PARD3B: variants seen among roughly 807,000 people sequenced by gnomAD.
PARD3B encodes the protein par-3 family cell polarity regulator beta.
A neutral mutation model predicts 130.2 loss-of-function variants in PARD3B; 103 were observed. The ratio of observed to expected loss-of-function variants is 0.79; its 90% confidence interval spans 0.67 to 0.93. The LOEUF is 0.93. Among genes scored for constraint, PARD3B ranks in the 40% least tolerant of loss-of-function variants. The pLI, the probability that PARD3B is intolerant of heterozygous loss-of-function variation, is 0.00. For missense variants in PARD3B, 1,609 were observed against 1,499.2 expected (o/e 1.07, Z -1.21); for synonymous variants, 583 against 553.2 (o/e 1.05, Z -0.76).
chr2:204,750,508 C>T (rs543634935), intron 2 of PARD3B, among the ~76,000 whole-genome samples: 4 of 152,090 alleles, frequency 2.6e-5, no homozygotes, highest in African/African-American at 4.8e-5. Context: ...ATCGTTTGAG[C>T]CCTGGAGGTG....
At chr2:205,488,759 T>C (rs1367201462) in intron 20 of PARD3B, among the ~76,000 whole-genome samples, 1 of 152,198 alleles carries the variant, frequency 6.6e-6, no homozygotes, top group East Asian at 1.9e-4. Flanking sequence ...ACTCAGTTCA[T>C]GTTCAGGGAC....
intron 21 of PARD3B, among the ~76,000 whole-genome samples, chr2:205,531,166 C>G (rs1332983413): frequency 6.6e-6 from 1 of 152,138 alleles, no homozygotes; most frequent in Non-Finnish European, 1.5e-5. Context: ...ATAATTTATA[C>G]TAATTAGTCT....
At chr2:205,597,819 G>A (rs2054625518) in intron 22 of PARD3B, among the ~76,000 whole-genome samples, 1 of 152,156 alleles carries the variant, frequency 6.6e-6, no homozygotes, top group Admixed American at 6.6e-5. Flanking sequence ...GAGACTGGGG[G>A]CTTGTTTACA....
At chr2:205,609,834 TCTTCAA>T (rs570942944) in intron 22 of PARD3B, among the ~76,000 whole-genome samples, 27 of 152,328 alleles carry the variant, frequency 1.8e-4, no homozygotes, top group African/African-American at 6.3e-4. Context: ...CCTCTGTGAC[TCTTCAA>T]CTTCATCTAT....
At chr2:204,952,625 C>G (rs756116412) in intron 2 of PARD3B, among the ~76,000 whole-genome samples, 1 of 151,974 alleles carries the variant, frequency 6.6e-6, no homozygotes, top group African/African-American at 2.4e-5. Flanking sequence ...ATAAGAAACA[C>G]TAAAAACAAA....
chr2:205,345,976 G>T lies in PARD3B; in HGVS notation c.2630+44275G>T, dbSNP rs4675522. Among the ~76,000 whole-genome samples, 2 of 42,020 alleles carry T rather than the reference G, an allele frequency of 4.8e-5. 1 individual carries two copies. The highest frequency in any genetic ancestry group is 7.9e-5 in the African/African-American group (2 of 25,204). The allele number at this position is 42,020 out of a possible 152,430, so 27.6% of individuals were successfully genotyped here. A position where few individuals can be genotyped will look rare whatever the true frequency, so the allele number is the denominator to read the frequency against. On this transcript the variant is annotated intron_variant, in intron 18 of 22. Coordinates refer to ENST00000406610, the MANE Select transcript of PARD3B (RefSeq NM_001302769.2). The stretch of plus-strand genomic sequence containing the variant: ...ACCTGAGGTCAGGAGTTCAAGACCA[G>T]CCTGGCCAACATAGTGAAACCCTGT...
chr2:204,836,632 G>T (rs185546300), intron 2 of PARD3B, among the ~76,000 whole-genome samples: 1 of 152,288 alleles, frequency 6.6e-6, no homozygotes, highest in African/African-American at 2.4e-5. Context: ...CTGCACTCCA[G>T]CCTAGGTGAC....
chr2:205,135,355 G>T (rs941355929), intron 10 of PARD3B, among the ~76,000 whole-genome samples: 1 of 152,130 alleles, frequency 6.6e-6, no homozygotes, highest in African/African-American at 2.4e-5. Context: ...TGTTCATTTT[G>T]TAAAGGATCT....
At chr2:205,228,758 G>T (rs1227710880) in intron 15 of PARD3B, among the ~76,000 whole-genome samples, 4 of 151,882 alleles carry the variant, frequency 2.6e-5, no homozygotes. Context: ...CTCTTTTGAG[G>T]CTGTTTTCTA....
chr2:204,817,088 A>G (rs2125536520), intron 2 of PARD3B, among the ~76,000 whole-genome samples: 1 of 152,128 alleles, frequency 6.6e-6, no homozygotes, highest in South Asian at 2.1e-4. Context: ...CTTTTTATAT[A>G]TTACATATCT....
intron 16 of PARD3B, among the ~76,000 whole-genome samples, chr2:205,299,533 T>G (rs1012926791): frequency 9.0e-5 from 5 of 55,326 alleles, no homozygotes; most frequent in African/African-American, 2.9e-4. Flanking sequence ...TCCTTCTGTC[T>G]TAAAGATAAT....
chr2:205,560,152 C>T (rs1317673635), intron 22 of PARD3B, among the ~76,000 whole-genome samples: 1 of 152,198 alleles, frequency 6.6e-6, no homozygotes, highest in Non-Finnish European at 1.5e-5. Context: ...TTCATTTTAA[C>T]CACCTTGACT....
rs898830567 is a variant in PARD3B, at chr2:205,301,183, G to A, written c.2393-281G>A. Among the ~76,000 whole-genome samples, 4 of 152,162 alleles carry A rather than the reference G, an allele frequency of 2.6e-5. No homozygotes were observed. The highest frequency in any genetic ancestry group is 1.3e-4 in the Admixed American group (2 of 15,286). The stretch of plus-strand genomic sequence containing the variant: ...CATGCAGGCTTTCTGAGCTGATCAA[G>A]GTTAACAAGGCAGCTTTCAGAGAGA... On this transcript the variant is annotated intron_variant, in intron 17 of 22. Coordinates refer to ENST00000406610, the MANE Select transcript of PARD3B (RefSeq NM_001302769.2). The surrounding 1 kb of genome is among the most constrained non-coding windows in gnomAD (Gnocchi z 5.2).
chr2:205,185,670 C>G lies in PARD3B; in HGVS notation c.1925-94C>G, dbSNP rs189882205. ...ATTTCAGGGCTGGTTTATGTGTTGG[C>G]TAAAACTGCGTCTGAGAGAGATACT... is the stretch of plus-strand genomic sequence containing the variant. On this transcript the variant is annotated intron_variant, in intron 13 of 22. Transcript: ENST00000406610. The G allele has an allele frequency of 3.0e-6, 3 of 1,005,752 alleles. No individual in the cohort carries two copies. In the African/African-American group the frequency reaches 4.7e-5, roughly 16 times the overall value. The allele number at this position is 1,005,752 out of a possible 1,614,324, so 62.3% of individuals were successfully genotyped here. A position where few individuals can be genotyped will look rare whatever the true frequency, so the allele number is the denominator to read the frequency against.
rs2035256468 is a variant in PARD3B, at chr2:205,172,925, AT to A, written c.1791+545del. 2.0e-5 allele frequency among the ~76,000 whole-genome samples: 3 copies of A among 152,242 alleles called. No individual in the cohort carries two copies. In the South Asian group the frequency reaches 6.2e-4, roughly 32 times the overall value. On this transcript the variant is annotated intron_variant, in intron 12 of 22. Transcript: ENST00000406610. ...TTATAAGTTTTTTAAAATATCAAGA[AT>A]ATTTTCACTTACACATGGAGTCTAA... is the stretch of plus-strand genomic sequence containing the variant.
chr2:204,551,339 G>A (rs2030443446), intron 1 of PARD3B, among the ~76,000 whole-genome samples: 1 of 152,238 alleles, frequency 6.6e-6, no homozygotes, highest in Non-Finnish European at 1.5e-5. Flanking sequence ...ATCAGTTGGA[G>A]CTGAGACACC....
At position 205,322,889 on chromosome 2, in the gene PARD3B, C is replaced by CTTTTTTTTTTTTTTTTT. The variant is rs71032461; in HGVS notation, c.2630+21214_2630+21230dup. On this transcript the variant is annotated intron_variant, in intron 18 of 22. Coordinates refer to ENST00000406610, the MANE Select transcript of PARD3B (RefSeq NM_001302769.2). ...TGTTGTTATATCATTATTAACACCT[C>CTTTTTTTTTTTTTTTTT]TTTTTTTTTTTTTTTTTTTTTTTTT... Among the ~76,000 whole-genome samples the CTTTTTTTTTTTTTTTTT allele has an allele frequency of 7.8e-5, 4 of 51,468 alleles. 1 individual carries two copies. The highest frequency in any genetic ancestry group is 3.3e-4 in the Admixed American group (1 of 3,034). 33.8% of individuals were successfully genotyped at this position (51,468 alleles called of 152,430 possible).
At chr2:205,390,061 G>T (rs925247047) in intron 18 of PARD3B, among the ~76,000 whole-genome samples, 2 of 150,830 alleles carry the variant, frequency 1.3e-5, no homozygotes, top group Non-Finnish European at 2.9e-5. Flanking sequence ...AGCTTATTAA[G>T]AATTAATATA....
intron 2 of PARD3B, among the ~76,000 whole-genome samples, chr2:204,791,727 C>G (rs2042212347): frequency 6.6e-6 from 1 of 152,058 alleles, no homozygotes; most frequent in African/African-American, 2.4e-5. Context: ...AGGATTGTGC[C>G]CATAATCAGA....
Sources: allele counts gnomAD v4.1 joint callset (sites outside exome capture counted in the v4.1 genomes callset), GRCh38; gene constraint gnomAD v4.1.1; non-coding constraint Gnocchi (gnomAD v3.1); transcripts MANE v1.5; gene names NCBI Gene and HGNC (gene_info 2026-07-23, HGNC 2026-07-21).